MMD: variants seen among roughly 807,000 people sequenced by gnomAD.
MMD encodes monocyte to macrophage differentiation associated.
Under a neutral mutation model 33.6 loss-of-function variants are expected in MMD, and 22 were observed. That is an observed-to-expected ratio of 0.66 (90% confidence interval 0.47 to 0.94). The LOEUF (loss-of-function observed/expected upper bound fraction) is 0.94, where lower values mean the gene tolerates loss of function less well. Among genes scored for constraint, MMD ranks in the 40% least tolerant of loss-of-function variants. The probability of loss-of-function intolerance (pLI) is 0.00; values close to 1 mark genes in which losing one functional copy is unlikely to be tolerated. For missense variants in MMD, 242 were observed against 309.8 expected, an observed-to-expected ratio of 0.78 and a Z score of 1.64; for synonymous variants, 97 against 103.2, an observed-to-expected ratio of 0.94 and a Z score of 0.36.
intron 2 of MMD, among the ~76,000 whole-genome samples, chr17:55,412,539 C>T (rs371445872): frequency 5.3e-5 from 8 of 152,308 alleles, no homozygotes; most frequent in East Asian, 3.9e-4. Context: ...GAATAAACTA[C>T]TTTATTAGAT....
chr17:55,406,491 G>T (rs998108318), intron 4 of MMD, among the ~76,000 whole-genome samples: 1 of 152,074 alleles, frequency 6.6e-6, no homozygotes, highest in Non-Finnish European at 1.5e-5. Context: ...AACCTGGGAG[G>T]TGGAGGTTGC....
Position 55,411,437 on chromosome 17 carries a change from T to A in MMD, c.109-20A>T. ...GAGGAACTGAGGGAAAGATAAAGAA[T>A]GGTGAATGGAATATTCTGGCTTTTA... is the stretch of plus-strand genomic sequence containing the variant. On this transcript the variant is annotated intron_variant, in intron 2 of 6. Coordinates refer to ENST00000262065, the MANE Select transcript of MMD (RefSeq NM_012329.3). The A allele has an allele frequency of 6.2e-7, 1 of 1,601,700 alleles. No individual in the cohort carries two copies. The highest frequency in any genetic ancestry group is 8.5e-7 in the Non-Finnish European group (1 of 1,175,456).
chr17:55,399,010 T>A (rs1907228660), intron 6 of MMD, among the ~76,000 whole-genome samples: 1 of 152,148 alleles, frequency 6.6e-6, no homozygotes, highest in Non-Finnish European at 1.5e-5. Context: ...TTCTGAAGCA[T>A]CCTCCCTGAG....
chr17:55,417,642 G>C (rs2143162365), intron 1 of MMD, among the ~76,000 whole-genome samples: 1 of 152,044 alleles, frequency 6.6e-6, no homozygotes, highest in African/African-American at 2.4e-5. Context: ...AAAAAAAAAT[G>C]TAAAAATTAG....
At chr17:55,395,300 G>C (rs1907058204) in intron 6 of MMD, among the ~76,000 whole-genome samples, 1 of 152,208 alleles carries the variant, frequency 6.6e-6, no homozygotes, top group Non-Finnish European at 1.5e-5. Context: ...AGAGAATAGA[G>C]GCAATGCTTA....
intron 6 of MMD, among the ~76,000 whole-genome samples, chr17:55,399,789 G>GC (rs1341625039): frequency 6.6e-6 from 1 of 152,158 alleles, no homozygotes; most frequent in Non-Finnish European, 1.5e-5. Context: ...TTCTATGAAG[G>GC]CAGTGTGGGG....
intron 1 of MMD, among the ~76,000 whole-genome samples, chr17:55,416,975 G>A (rs182069987): frequency 1.5e-4 from 23 of 152,002 alleles, no homozygotes; most frequent in African/African-American, 5.1e-4. Flanking sequence ...CTTGCCCAAC[G>A]TTCTTATCAC....
chr17:55,415,116 G>C (rs1169169761), intron 1 of MMD, among the ~76,000 whole-genome samples: 1 of 152,052 alleles, frequency 6.6e-6, no homozygotes, highest in Non-Finnish European at 1.5e-5. Flanking sequence ...TCAGTATGCT[G>C]AGTGAGGATG....
chr17:55,395,949 C>T (rs1163322361), intron 6 of MMD, among the ~76,000 whole-genome samples: 2 of 152,194 alleles, frequency 1.3e-5, no homozygotes, highest in African/African-American at 2.4e-5. Flanking sequence ...TCATCTAACA[C>T]AACCCCCTTA....
chr17:55,405,832 T>C (rs1330152431), intron 4 of MMD, among the ~76,000 whole-genome samples: 3 of 152,232 alleles, frequency 2.0e-5, no homozygotes, highest in African/African-American at 4.8e-5. Context: ...CTGTTTCTAA[T>C]GACTACAATA....
At chr17:55,420,082 GGTTT>G (rs796634550) in intron 1 of MMD, 45 of 152,186 alleles carry the variant, frequency 3.0e-4, no homozygotes, top group African/African-American at 7.9e-4. Flanking sequence ...AATTGAACAG[GGTTT>G]GTTTGTTTTT....
chr17:55,407,665 CAA>C, intron 4 of MMD, 79 bp downstream of exon 4: 1 of 1,302,998 alleles, frequency 7.7e-7, no homozygotes, highest in South Asian at 1.3e-5. Flanking sequence ...AGGGTGGGGA[CAA>C]GAGGGAGAAA....
At position 55,392,919 on chromosome 17, in the gene MMD, A is replaced by T. The variant is rs1906970749; in HGVS notation, c.*1415T>A. 2 of 152,142 alleles carry T rather than the reference A, an allele frequency of 1.3e-5. No individual in the cohort carries two copies. The highest frequency in any genetic ancestry group is 4.1e-4 in the South Asian group (2 of 4,824). The allele number at this position is 152,142 out of a possible 1,614,324, so 9.4% of individuals were successfully genotyped here. The stretch of plus-strand genomic sequence containing the variant: ...AGAGAGTTCTAAACATATACAAAAT[A>T]AACCTCTTTTAAAGCCACATCAGTA... On this transcript the variant is annotated 3_prime_UTR_variant, in exon 7 of 7. Transcript: ENST00000262065.
intron 3 of MMD, among the ~76,000 whole-genome samples, chr17:55,409,083 G>C (rs1907664034): frequency 6.6e-6 from 1 of 152,104 alleles, no homozygotes; most frequent in Non-Finnish European, 1.5e-5. Flanking sequence ...AGTTTTAAAG[G>C]AATGAAAAAT....
chr17:55,409,559 T>C (rs1907683353), intron 3 of MMD, among the ~76,000 whole-genome samples: 1 of 152,210 alleles, frequency 6.6e-6, no homozygotes, highest in East Asian at 1.9e-4. Flanking sequence ...GTATCTAGCA[T>C]AGTGCCTAGC....
chr17:55,401,849 G>C (rs1907341766), intron 5 of MMD, among the ~76,000 whole-genome samples: 1 of 152,010 alleles, frequency 6.6e-6, no homozygotes, highest in African/African-American at 2.4e-5. Context: ...CGAGGCGGGC[G>C]GATCACGAGG....
In MMD at chr17:55,421,697, G is replaced by A. The variant is rs775749295; in HGVS notation, c.-2C>T. On this transcript the variant is annotated 5_prime_UTR_variant, in exon 1 of 7. Coordinates refer to ENST00000262065, the MANE Select transcript of MMD (RefSeq NM_012329.3). ...CTGGAATCGATTCTTGAACCGCATTGATCCTCTGCTCCTCCTCGGGGGCCA... is the reference window on the plus strand; with the variant it reads ...CTGGAATCGATTCTTGAACCGCATTAATCCTCTGCTCCTCCTCGGGGGCCA... The A allele has an allele frequency of 1.9e-6, 3 of 1,593,030 alleles. No homozygotes were observed. Among genetic ancestry groups the A allele is most frequent in the Non-Finnish European group, 2.6e-6 (3 of 1,170,820 alleles).
intron 1 of MMD, 54 bp from the exon 2 acceptor site, chr17:55,414,286 A>G: frequency 6.5e-7 from 1 of 1,532,182 alleles, no homozygotes; most frequent in Non-Finnish European, 9.0e-7. Flanking sequence ...GTGAAGAACA[A>G]TGAGGAAACC....
At chr17:55,414,105 C>A (rs776366290) in intron 2 of MMD, 46 bp downstream of exon 2, 1 of 1,583,526 alleles carries the variant, frequency 6.3e-7, no homozygotes, top group South Asian at 1.1e-5. Flanking sequence ...TTCCTCCCAC[C>A]AAAGCCCCGT....
Sources: gnomAD v4.1 joint callset for allele counts (sites outside exome capture counted in the v4.1 genomes callset) on GRCh38, gnomAD v4.1.1 for gene constraint, MANE v1.5 for transcripts, NCBI Gene and HGNC (gene_info 2026-07-23, HGNC 2026-07-21) for gene names.